The following PRKN variants were observed in gnomAD, a reference collection of about 807,000 sequenced individuals.
PRKN encodes E3 ubiquitin-protein ligase parkin.
PRKN carries 56 observed loss-of-function variants against 59.5 expected under a neutral mutation model. That is an observed-to-expected ratio of 0.94 (90% CI 0.76 to 1.18). The LOEUF is 1.18. Among genes scored for constraint, PRKN ranks in the 50% most tolerant of loss-of-function variants. The pLI, the probability that PRKN is intolerant of heterozygous loss-of-function variation, is 0.00. For synonymous variants in PRKN, 250 were observed against 222.1 expected (o/e 1.13, Z -1.12); for missense variants, 657 against 596.4 (o/e 1.10, Z -1.06).
intron 9 of PRKN, among the ~76,000 whole-genome samples, chr6:161,495,667 C>T (rs1777722040): frequency 1.3e-5 from 2 of 152,250 alleles, no homozygotes; most frequent in South Asian, 2.1e-4. Flanking sequence ...ACGGGAGCTT[C>T]TGTTTCCTTA....
At chr6:162,053,948 C>T (rs1777753503) in intron 5 of PRKN, 143 bp downstream of exon 5, 1 of 726,356 alleles carries the variant, frequency 1.4e-6, no homozygotes, top group African/African-American at 1.7e-5. Flanking sequence ...TGTAATTAAC[C>T]TATTTAAATA....
At chr6:161,803,576 T>C (rs1791182575) in intron 6 of PRKN, among the ~76,000 whole-genome samples, 1 of 152,138 alleles carries the variant, frequency 6.6e-6, no homozygotes, top group South Asian at 2.1e-4. Flanking sequence ...AGGGCCAAGC[T>C]CAGCCCAGCC....
chr6:161,618,936 G>A (rs544968078), intron 7 of PRKN, among the ~76,000 whole-genome samples: 5 of 152,218 alleles, frequency 3.3e-5, no homozygotes, highest in East Asian at 3.9e-4. Context: ...AGCTGACTTC[G>A]CATTCATCTT....
At chr6:161,761,843 A>C (rs1789215611) in intron 7 of PRKN, among the ~76,000 whole-genome samples, 1 of 152,228 alleles carries the variant, frequency 6.6e-6, no homozygotes, top group Non-Finnish European at 1.5e-5. Context: ...GGTTTTTCCC[A>C]AAATGGTTAT....
intron 4 of PRKN, among the ~76,000 whole-genome samples, chr6:162,112,640 G>C (rs1780489217): frequency 1.3e-5 from 2 of 152,068 alleles, no homozygotes; most frequent in Non-Finnish European, 2.9e-5. Flanking sequence ...CCTAGGCCGG[G>C]CGCAGTGGCT....
chr6:161,732,474 G>GTT (rs754841390), intron 7 of PRKN, among the ~76,000 whole-genome samples: 2 of 149,578 alleles, frequency 1.3e-5, no homozygotes, highest in Admixed American at 6.6e-5. Flanking sequence ...TTCTTCAGAG[G>GTT]TTTTTTTTTT....
At chr6:162,355,416 T>C (rs1414357379) in intron 2 of PRKN, among the ~76,000 whole-genome samples, 3 of 151,898 alleles carry the variant, frequency 2.0e-5, no homozygotes, top group Non-Finnish European at 4.4e-5. Context: ...TCTATATATA[T>C]ATAACAATTT....
intron 1 of PRKN, among the ~76,000 whole-genome samples, chr6:162,547,176 A>G (rs1171497701): frequency 1.3e-5 from 2 of 152,162 alleles, no homozygotes; most frequent in African/African-American, 4.8e-5. Flanking sequence ...TCTGGTACAC[A>G]TCATTACAGA....
Position 161,420,092 on chromosome 6 carries a change from G to T in PRKN, c.1084-33215C>A, listed in dbSNP as rs187489057. On this transcript the variant is annotated intron_variant, in intron 9 of 11. Coordinates refer to ENST00000366898, the MANE Select transcript of PRKN (RefSeq NM_004562.3). ...TCTCTACTAAAAATACAAAAAATTAGCTGGGTGTGGTAGCACGTGCCTGTA... is the reference window on the plus strand; with the variant it reads ...TCTCTACTAAAAATACAAAAAATTATCTGGGTGTGGTAGCACGTGCCTGTA... Among the ~76,000 whole-genome samples, 774 of 152,052 alleles carry T rather than the reference G, an allele frequency of 5.1e-3. 10 individuals are homozygous for T. Among genetic ancestry groups the T allele is most frequent in the African/African-American group, 0.018 (738 of 41,494 alleles).
At chr6:162,138,500 A>C (rs1781640861) in intron 4 of PRKN, among the ~76,000 whole-genome samples, 1 of 152,224 alleles carries the variant, frequency 6.6e-6, no homozygotes, top group African/African-American at 2.4e-5. Context: ...GGAATCTAGT[A>C]AATCACTATG....
rs1010192484 is a variant in PRKN, at chr6:161,584,505, C to T, written c.872-15089G>A. Among the ~76,000 whole-genome samples, 2 of 152,046 alleles carry T rather than the reference C, an allele frequency of 1.3e-5. No individual in the cohort carries two copies. The highest frequency in any genetic ancestry group is 4.8e-5 in the African/African-American group (2 of 41,398). On this transcript the variant is annotated intron_variant, in intron 7 of 11. Transcript: ENST00000366898. The surrounding 1 kb of genome is among the most constrained non-coding windows in gnomAD (Gnocchi z 4.8). ...TTGGGGGAAAAAACCTTATGGCTGG[C>T]CTGTTATTAGAAGAAAATCTTTTAA...
intron 4 of PRKN, among the ~76,000 whole-genome samples, chr6:162,071,606 T>A (rs372200992): frequency 0.018 from 2,658 of 151,818 alleles, 41 homozygotes; most frequent in Middle Eastern, 0.041. Context: ...TAATTTTTTT[T>A]TTTTTTTTGA....
rs957380980 is a variant in PRKN at position 161,966,243 on chromosome 6, TC to T, written c.734+7058del. 6.3e-4 allele frequency among the ~76,000 whole-genome samples: 95 copies of T among 151,914 alleles called. 3 individuals carry two copies. The highest frequency in any genetic ancestry group is 2.3e-3 in the African/African-American group (94 of 41,186). On this transcript the variant is annotated intron_variant, in intron 6 of 11. Coordinates refer to ENST00000366898, the MANE Select transcript of PRKN (RefSeq NM_004562.3). The stretch of plus-strand genomic sequence containing the variant: ...AATTGTAGGGCATGACTCCCCAGAC[TC>T]CTTAGATAGAAATTTGGGTATGATA...
chr6:162,334,019 A>ATGGAGTTG (rs1474997955), intron 2 of PRKN, among the ~76,000 whole-genome samples: 2 of 152,212 alleles, frequency 1.3e-5, no homozygotes, highest in East Asian at 3.9e-4. Context: ...GCCAAAGCCT[A>ATGGAGTTG]ATCTAAAGCA....
intron 3 of PRKN, among the ~76,000 whole-genome samples, chr6:162,229,375 A>C (rs1197965891): frequency 6.6e-6 from 1 of 152,178 alleles, no homozygotes; most frequent in African/African-American, 2.4e-5. Context: ...CTCCAGAATG[A>C]GACCACCTCT....
At chr6:161,921,597 G>A (rs369206955) in intron 6 of PRKN, among the ~76,000 whole-genome samples, 4 of 152,294 alleles carry the variant, frequency 2.6e-5, no homozygotes, top group South Asian at 2.1e-4. Flanking sequence ...GTCACTAGGC[G>A]ATAGGAATTT....
chr6:161,829,868 A>ATT (rs1792408565), intron 6 of PRKN, among the ~76,000 whole-genome samples: 6 of 151,528 alleles, frequency 4.0e-5, no homozygotes, highest in Non-Finnish European at 7.4e-5. Flanking sequence ...AAAAAAAAAA[A>ATT]ATGCCAATAC....
chr6:162,044,574 T>C (rs184681731), intron 5 of PRKN, among the ~76,000 whole-genome samples: 16 of 152,344 alleles, frequency 1.1e-4, no homozygotes, highest in Non-Finnish European at 2.2e-4. Flanking sequence ...TTCAAAGTCA[T>C]GAGGACTGGA....
In PRKN at chr6:161,454,487, C is replaced by T. The variant is rs2115135877; in HGVS notation, c.1084-67610G>A. Among the ~76,000 whole-genome samples the T allele has an allele frequency of 6.6e-6, 1 of 152,258 alleles. No individual in the cohort carries two copies. Among genetic ancestry groups the T allele is most frequent in the East Asian group, 1.9e-4 (1 of 5,184 alleles). On this transcript the variant is annotated intron_variant, in intron 9 of 11. Coordinates refer to ENST00000366898, the MANE Select transcript of PRKN (RefSeq NM_004562.3). The surrounding 1 kb of genome is among the most constrained non-coding windows in gnomAD (Gnocchi z 4.6). ...TCATTCGTGGTCTTGAGTCCAGGTTCCAGGTTCTAAGCTTGGTCTATGCTT... is the reference window on the plus strand; with the variant it reads ...TCATTCGTGGTCTTGAGTCCAGGTTTCAGGTTCTAAGCTTGGTCTATGCTT...
Sources: allele counts gnomAD v4.1 joint callset (sites outside exome capture counted in the v4.1 genomes callset), GRCh38; gene constraint gnomAD v4.1.1; non-coding constraint Gnocchi (gnomAD v3.1); transcripts MANE v1.5; gene names NCBI Gene and HGNC (gene_info 2026-07-23, HGNC 2026-07-21).